The following LHPP variants were observed in gnomAD, a reference collection of about 807,000 sequenced individuals.
The protein encoded by LHPP is phospholysine phosphohistidine inorganic pyrophosphate phosphatase.
Under a neutral mutation model 30.3 loss-of-function variants are expected in LHPP, and 24 were observed. The observed-to-expected ratio is 0.79, with a 90% CI of 0.57 to 1.11. The LOEUF is 1.11. Ranked by LOEUF, LHPP falls within the 50% of genes most tolerant of loss-of-function variation. The probability of loss-of-function intolerance (pLI) is 0.00; values close to 1 mark genes in which losing one functional copy is unlikely to be tolerated. For synonymous variants in LHPP, 150 were observed against 157.1 expected, an observed-to-expected ratio of 0.95 and a Z score of 0.34; for missense variants, 356 against 367.2, an observed-to-expected ratio of 0.97 and a Z score of 0.25.
intron 1 of LHPP, among the ~76,000 whole-genome samples, chr10:124,474,738 C>G (rs36033472): frequency 0.21 from 32,233 of 152,080 alleles, 4,296 homozygotes; most frequent in Middle Eastern, 0.31. Context: ...GTGAACATGC[C>G]GTTGGGGCTC....
chr10:124,527,589 C>T (rs1205200506), intron 6 of LHPP, among the ~76,000 whole-genome samples: 1 of 152,146 alleles, frequency 6.6e-6, no homozygotes, highest in East Asian at 1.9e-4. Flanking sequence ...GGGTGCTCTC[C>T]CTGACTTTTC....
chr10:124,522,162 A>G (rs1262345687), intron 6 of LHPP, among the ~76,000 whole-genome samples: 2 of 152,172 alleles, frequency 1.3e-5, no homozygotes, highest in African/African-American at 2.4e-5. Flanking sequence ...AGGGCTGCCC[A>G]AGAGCCCTGG....
At chr10:124,571,455 A>T (rs1355267002) in intron 6 of LHPP, among the ~76,000 whole-genome samples, 2 of 152,220 alleles carry the variant, frequency 1.3e-5, no homozygotes, top group Non-Finnish European at 2.9e-5. Context: ...CAGGAAATTT[A>T]CCTACCAAAC....
chr10:124,557,320 G>A (rs1481022293), intron 6 of LHPP, among the ~76,000 whole-genome samples: 1 of 152,212 alleles, frequency 6.6e-6, no homozygotes, highest in Non-Finnish European at 1.5e-5. Flanking sequence ...ACGCGAACGG[G>A]CAGAGCTGGG....
chr10:124,493,830 T>C (rs1953614135), intron 3 of LHPP: 1 of 152,156 alleles, frequency 6.6e-6, no homozygotes, highest in African/African-American at 2.4e-5. Flanking sequence ...ATCTCTAGTG[T>C]GTGGAGATTA....
chr10:124,604,953 T>C (rs1251725637), intron 6 of LHPP, among the ~76,000 whole-genome samples: 1 of 152,206 alleles, frequency 6.6e-6, no homozygotes, highest in Non-Finnish European at 1.5e-5. Flanking sequence ...CCCGGGCAGC[T>C]CAGGTCCCTC....
chr10:124,525,550 T>C (rs1954711954), intron 6 of LHPP, among the ~76,000 whole-genome samples: 1 of 152,186 alleles, frequency 6.6e-6, no homozygotes, highest in Non-Finnish European at 1.5e-5. Flanking sequence ...TCCCGGACGC[T>C]GGGCCTCCTG....
intron 6 of LHPP, among the ~76,000 whole-genome samples, chr10:124,608,122 G>C (rs1327614519): frequency 6.6e-6 from 1 of 152,134 alleles, no homozygotes; most frequent in African/African-American, 2.4e-5. Flanking sequence ...GGTCTGCTGG[G>C]ACTCCAGGCT....
At chr10:124,600,812 C>T (rs184983176) in intron 6 of LHPP, among the ~76,000 whole-genome samples, 1 of 152,242 alleles carries the variant, frequency 6.6e-6, no homozygotes. Context: ...CGATAACCCA[C>T]AGTCCCCAGT....
At chr10:124,589,392 C>T (rs1310893308) in intron 6 of LHPP, among the ~76,000 whole-genome samples, 1 of 152,234 alleles carries the variant, frequency 6.6e-6, no homozygotes, top group African/African-American at 2.4e-5. Context: ...ACCTGGAAGG[C>T]AAAGGCCTCT....
chr10:124,476,856 C>T (rs773079894), intron 1 of LHPP, among the ~76,000 whole-genome samples: 3 of 152,138 alleles, frequency 2.0e-5, no homozygotes, highest in East Asian at 3.9e-4. Flanking sequence ...AAAAGGGGAG[C>T]GACTGAAGAT....
At chr10:124,610,978 T>G (rs1949186531) in intron 6 of LHPP, among the ~76,000 whole-genome samples, 1 of 51,240 alleles carries the variant, frequency 2.0e-5, no homozygotes, top group African/African-American at 7.3e-5. Flanking sequence ...CGGGTGAGGG[T>G]GCTGGTGGAG....
At chr10:124,546,774 C>T (rs938922014) in intron 6 of LHPP, among the ~76,000 whole-genome samples, 5 of 152,160 alleles carry the variant, frequency 3.3e-5, no homozygotes, top group Admixed American at 6.5e-5. Context: ...CCTCATCATC[C>T]GTGCTCCCCA....
intron 4 of LHPP, among the ~76,000 whole-genome samples, chr10:124,497,696 G>T (rs1306535715): frequency 1.3e-5 from 2 of 152,240 alleles, no homozygotes; most frequent in Non-Finnish European, 1.5e-5. Context: ...AGAAGAGGGG[G>T]AGAAGGGATG....
chr10:124,601,948 CA>C (rs1180241208), intron 6 of LHPP, among the ~76,000 whole-genome samples: 2 of 152,194 alleles, frequency 1.3e-5, no homozygotes, highest in Non-Finnish European at 2.9e-5. Context: ...CAGCATGCAC[CA>C]CTCCTTCTCC....
chr10:124,539,510 C>G (rs1589843465), intron 6 of LHPP, among the ~76,000 whole-genome samples: 2 of 152,128 alleles, frequency 1.3e-5, no homozygotes, highest in Non-Finnish European at 2.9e-5. Context: ...CTTGTAATCC[C>G]AGCACTTTGG....
intron 6 of LHPP, among the ~76,000 whole-genome samples, chr10:124,610,006 G>A (rs1292146698): frequency 2.0e-5 from 3 of 152,236 alleles, no homozygotes; most frequent in Non-Finnish European, 4.4e-5. Flanking sequence ...TTTCTGCTGT[G>A]TACATACTTA....
intron 6 of LHPP, among the ~76,000 whole-genome samples, chr10:124,530,220 G>A (rs1033544298): frequency 2.0e-5 from 3 of 151,980 alleles, no homozygotes; most frequent in Non-Finnish European, 4.4e-5. Context: ...CCTGCCTCCC[G>A]CCCCACCCCT....
At chr10:124,469,371 A>G (rs559667515) in intron 1 of LHPP, among the ~76,000 whole-genome samples, 1 of 152,070 alleles carries the variant, frequency 6.6e-6, no homozygotes, top group Non-Finnish European at 1.5e-5. Flanking sequence ...ATTGAGGGCC[A>G]CGGAGCACGG....
Sources: gnomAD v4.1 joint callset for allele counts (sites outside exome capture counted in the v4.1 genomes callset) on GRCh38, gnomAD v4.1.1 for gene constraint, MANE v1.5 for transcripts, NCBI Gene and HGNC (gene_info 2026-07-23, HGNC 2026-07-21) for gene names.